The following FTCDNL1 variants were observed in gnomAD, a reference collection of about 807,000 sequenced individuals.
The protein encoded by FTCDNL1 is formiminotransferase N-terminal subdomain-containing protein.
FTCDNL1 carries 11 observed loss-of-function variants against 5.9 expected under a neutral mutation model. The observed-to-expected ratio is 1.87, with a 90% confidence interval of 1.18 to 3.10. FTCDNL1 has a LOEUF of 3.10. Ranked by LOEUF, FTCDNL1 falls within the 30% of genes most tolerant of loss-of-function variation. The probability of loss-of-function intolerance (pLI) is 0.00; values close to 1 mark genes in which losing one functional copy is unlikely to be tolerated. For synonymous variants in FTCDNL1, 58 were observed against 24.8 expected (o/e 2.34, Z -3.99); for missense variants, 115 against 65.5 (o/e 1.76, Z -2.61).
intron 3 of FTCDNL1, among the ~76,000 whole-genome samples, chr2:199,804,226 A>G (rs541345066): frequency 5.3e-5 from 8 of 152,348 alleles, no homozygotes; most frequent in African/African-American, 7.2e-5. Flanking sequence ...ATGGAGATAC[A>G]GGTACCTAAG....
the FTCDNL1 span, among the ~76,000 whole-genome samples, chr2:199,693,250 G>A: frequency 1.2e-4 from 18 of 152,170 alleles, no homozygotes; most frequent in Non-Finnish European, 1.9e-4. Flanking sequence ...TGATTATGAC[G>A]TATAGAAGTA....
intron 3 of FTCDNL1, among the ~76,000 whole-genome samples, chr2:199,837,458 C>G (rs1002994486): frequency 1.3e-5 from 2 of 152,126 alleles, no homozygotes; most frequent in African/African-American, 2.4e-5. Flanking sequence ...TGATCTCAAC[C>G]AAATCCAACA....
the FTCDNL1 span, among the ~76,000 whole-genome samples, chr2:199,673,126 G>C: frequency 2.0e-5 from 3 of 151,996 alleles, no homozygotes; most frequent in African/African-American, 7.2e-5. Flanking sequence ...CCAGGAGTTT[G>C]AGATCAGCCT....
At chr2:199,787,920 C>T (rs950401163) in intron 3 of FTCDNL1, among the ~76,000 whole-genome samples, 1 of 152,068 alleles carries the variant, frequency 6.6e-6, no homozygotes, top group Non-Finnish European at 1.5e-5. Context: ...TGTTCTGCAT[C>T]CCTGTGGTGA....
At chr2:199,807,707 G>A (rs1052472700), downstream of FTCDNL1, among the ~76,000 whole-genome samples, 12 of 152,064 alleles carry the variant, frequency 7.9e-5, no homozygotes, top group African/African-American at 2.7e-4. Context: ...TGGATCAAAG[G>A]CCACATTTAA....
chr2:199,754,962 T>C, the FTCDNL1 span, among the ~76,000 whole-genome samples: 1 of 152,226 alleles, frequency 6.6e-6, no homozygotes, highest in Non-Finnish European at 1.5e-5. Flanking sequence ...CAAATGACTT[T>C]AGCAGATGGT....
downstream of FTCDNL1, among the ~76,000 whole-genome samples, chr2:199,804,758 A>G (rs1376678278): frequency 6.6e-6 from 1 of 152,126 alleles, no homozygotes; most frequent in Non-Finnish European, 1.5e-5. Flanking sequence ...CCCCAGTCCC[A>G]TTGGGTCTGC....
chr2:199,740,470 T>C, the FTCDNL1 span, among the ~76,000 whole-genome samples: 6 of 152,194 alleles, frequency 3.9e-5, no homozygotes, highest in Non-Finnish European at 7.4e-5. Flanking sequence ...CTGAGCATCA[T>C]GGGAGCTGCC....
At chr2:199,807,689 T>C (rs74342327), downstream of FTCDNL1, among the ~76,000 whole-genome samples, 6,798 of 152,314 alleles carry the variant, frequency 0.045, 207 homozygotes, top group Non-Finnish European at 0.07. Flanking sequence ...TGCTTTTTAA[T>C]GGATAGCTGG....
At chr2:199,833,996 G>A (rs966355189) in intron 3 of FTCDNL1, among the ~76,000 whole-genome samples, 19 of 152,250 alleles carry the variant, frequency 1.2e-4, no homozygotes, top group Admixed American at 5.9e-4. Context: ...GCTGAATTGC[G>A]TTCTCCAAAA....
At chr2:199,673,082 C>T in the FTCDNL1 span, among the ~76,000 whole-genome samples, 5 of 152,022 alleles carry the variant, frequency 3.3e-5, no homozygotes, top group Admixed American at 2.6e-4. Context: ...AATCCCAGCC[C>T]TTCGGGAGGC....
At chr2:199,775,720 T>C (rs1283896896) in intron 3 of FTCDNL1, among the ~76,000 whole-genome samples, 1 of 152,136 alleles carries the variant, frequency 6.6e-6, no homozygotes, top group Non-Finnish European at 1.5e-5. Context: ...GAAAGGAACT[T>C]AAGAAGGAAA....
chr2:199,751,561 G>A, the FTCDNL1 span, among the ~76,000 whole-genome samples: 1 of 152,002 alleles, frequency 6.6e-6, no homozygotes, highest in East Asian at 1.9e-4. Flanking sequence ...AGGCACAGCC[G>A]TCTTTGTTAA....
At chr2:199,801,051 GTTTTTCCTCCACTTCTTACATACTTCT>G (rs1422847703) in intron 3 of FTCDNL1, among the ~76,000 whole-genome samples, 3 of 152,130 alleles carry the variant, frequency 2.0e-5, no homozygotes, top group Non-Finnish European at 4.4e-5. Flanking sequence ...TTTGATCCTC[GTTTTTCCTCCACTTCTTACATACTTCT>G]GATGCTGGGC....
At chr2:199,824,164 T>C (rs1206518943) in intron 3 of FTCDNL1, among the ~76,000 whole-genome samples, 1 of 152,222 alleles carries the variant, frequency 6.6e-6, no homozygotes, top group Non-Finnish European at 1.5e-5. Context: ...GGGTAACTTG[T>C]TGCAGCTTCT....
At chr2:199,719,193 C>T in the FTCDNL1 span, among the ~76,000 whole-genome samples, 1 of 152,030 alleles carries the variant, frequency 6.6e-6, no homozygotes, top group Non-Finnish European at 1.5e-5. Flanking sequence ...TAAGTCTTTA[C>T]TCCATCTTGA....
At chr2:199,736,037 A>T in the FTCDNL1 span, among the ~76,000 whole-genome samples, 1 of 152,176 alleles carries the variant, frequency 6.6e-6, no homozygotes, top group African/African-American at 2.4e-5. Flanking sequence ...GCCTATGCCA[A>T]CCCCAATTAG....
At chr2:199,751,882 A>AT in the FTCDNL1 span, among the ~76,000 whole-genome samples, 26 of 151,492 alleles carry the variant, frequency 1.7e-4, no homozygotes, top group Middle Eastern at 3.4e-3. Context: ...CTGAATCAGG[A>AT]TTTTTTTTTT....
chr2:199,697,965 C>T, the FTCDNL1 span, among the ~76,000 whole-genome samples: 32 of 152,096 alleles, frequency 2.1e-4, no homozygotes, highest in South Asian at 1.5e-3. Flanking sequence ...AACAAACAAA[C>T]GAAAGCAGGG....
Sources: allele counts gnomAD v4.1 joint callset (sites outside exome capture counted in the v4.1 genomes callset), GRCh38; gene constraint gnomAD v4.1.1; transcripts MANE v1.5; gene names NCBI Gene and HGNC (gene_info 2026-07-23, HGNC 2026-07-21).